Variants in FAM184A observed in about 807,000 individuals in gnomAD.
The protein encoded by FAM184A is family with sequence similarity 184 member A, also known as protein FAM184A.
Under a neutral mutation model 143.8 loss-of-function variants are expected in FAM184A, and 99 were observed. The observed-to-expected ratio is 0.69, with a 90% confidence interval of 0.58 to 0.81. FAM184A has a LOEUF of 0.81. Ranked by LOEUF, FAM184A falls within the 40% of genes least tolerant of loss-of-function variation. FAM184A has a pLI of 0.00. For synonymous variants in FAM184A, 427 were observed against 446.4 expected (o/e 0.96, Z 0.55); for missense variants, 1,217 against 1,310.5 (o/e 0.93, Z 1.10).
intron 1 of FAM184A, among the ~76,000 whole-genome samples, chr6:119,126,327 G>A (rs935049958): frequency 2.8e-4 from 43 of 152,194 alleles, no homozygotes; most frequent in Non-Finnish European, 5.9e-5. Flanking sequence ...TCACTTTAAG[G>A]ACTCATCTGA....
intron 1 of FAM184A, among the ~76,000 whole-genome samples, chr6:119,032,977 G>C (rs918070561): frequency 6.6e-6 from 1 of 151,922 alleles, no homozygotes; most frequent in Admixed American, 6.6e-5. Context: ...CTATTCTATC[G>C]GTTCCAGAGC....
chr6:119,080,684 T>C (rs1257054334), upstream of FAM184A, among the ~76,000 whole-genome samples: 1 of 152,182 alleles, frequency 6.6e-6, no homozygotes, highest in Non-Finnish European at 1.5e-5. Context: ...AATCCAAAAA[T>C]CTGAAATCCA....
At chr6:119,101,365 C>T (rs2114834701) in intron 1 of FAM184A, among the ~76,000 whole-genome samples, 1 of 151,896 alleles carries the variant, frequency 6.6e-6, no homozygotes, top group African/African-American at 2.4e-5. Flanking sequence ...AACCACTGCG[C>T]CCAGCCACAA....
chr6:119,065,903 A>T (rs1309524732), intron 1 of FAM184A, among the ~76,000 whole-genome samples: 1 of 152,232 alleles, frequency 6.6e-6, no homozygotes, highest in East Asian at 1.9e-4. Context: ...TTTAAGACAC[A>T]GAAAAGCAGT....
chr6:119,019,205 G>A (rs545719006), intron 4 of FAM184A, among the ~76,000 whole-genome samples: 3 of 152,198 alleles, frequency 2.0e-5, no homozygotes, highest in Non-Finnish European at 4.4e-5. Flanking sequence ...TAAGGCCAAG[G>A]AGGTACGAGA....
At chr6:119,044,861 T>C (rs904865313) in intron 1 of FAM184A, among the ~76,000 whole-genome samples, 4 of 152,244 alleles carry the variant, frequency 2.6e-5, no homozygotes, top group Non-Finnish European at 4.4e-5. Flanking sequence ...CAGCTACTGA[T>C]ATCATTAAGG....
chr6:119,104,106 G>A (rs1322570405), intron 1 of FAM184A, among the ~76,000 whole-genome samples: 1 of 151,734 alleles, frequency 6.6e-6, no homozygotes, highest in Admixed American at 6.6e-5. Flanking sequence ...GTGTGATCAG[G>A]GCTCACTGCA....
chr6:119,122,191 C>T (rs1409779773), intron 1 of FAM184A, among the ~76,000 whole-genome samples: 1 of 152,202 alleles, frequency 6.6e-6, no homozygotes, highest in Non-Finnish European at 1.5e-5. Context: ...AGACAGCCCT[C>T]TCCATTCTGG....
chr6:119,047,121 TA>T (rs59646441), intron 1 of FAM184A, among the ~76,000 whole-genome samples: 6,475 of 152,182 alleles, frequency 0.043, 240 homozygotes, highest in East Asian at 0.2. Context: ...AACAGGCATA[TA>T]AAAAAGTGCT....
Position 118,970,702 on chromosome 6 carries a change from T to C in FAM184A, c.2915+3726A>G, listed in dbSNP as rs529778278. On this transcript the variant is annotated intron_variant, in intron 14 of 17. Transcript: ENST00000338891. The stretch of plus-strand genomic sequence containing the variant: ...GCCTTTTACTCAAATTTTACAGATT[T>C]CCATTAAAAGTAATAGAAGAGAGAA... Among the ~76,000 whole-genome samples, 6 of 152,112 alleles carry C rather than the reference T, an allele frequency of 3.9e-5. No individual in the cohort carries two copies. The East Asian group carries it at 5.8e-4, about 15-fold the overall frequency.
intron 14 of FAM184A, among the ~76,000 whole-genome samples, chr6:118,970,008 A>ATATATATATATATATATTTTTTTTTTTT: frequency 1.6e-4 from 3 of 19,048 alleles, no homozygotes; most frequent in Non-Finnish European, 2.3e-4. Context: ...ATATATATAT[A>ATATATATATATATATATTTTTTTTTTTT]TTTTTTTTTT....
rs914446615 is a variant in FAM184A at position 118,965,377 on chromosome 6, C to T, written c.3034-606G>A. ...TATTCTTCAGTACTGTAAATAGATT[C>T]GATTGCATCTAATATGAGATATTAA... is the stretch of plus-strand genomic sequence containing the variant. On this transcript the variant is annotated intron_variant, in intron 15 of 17. Transcript: ENST00000338891. Among the ~76,000 whole-genome samples, 8 of 151,952 alleles carry T rather than the reference C, an allele frequency of 5.3e-5. No individual in the cohort carries two copies. In the South Asian group the frequency reaches 1.7e-3, roughly 32 times the overall value.
intron 1 of FAM184A, among the ~76,000 whole-genome samples, chr6:119,141,815 A>G (rs1772249306): frequency 1.3e-5 from 2 of 152,170 alleles, no homozygotes; most frequent in South Asian, 2.1e-4. Flanking sequence ...TTGGGGCCCC[A>G]GAGCTGCATG....
upstream of FAM184A, among the ~76,000 whole-genome samples, chr6:119,079,393 T>TAA (rs201090897): frequency 6.6e-6 from 1 of 151,928 alleles, no homozygotes; most frequent in African/African-American, 2.4e-5. Context: ...AAAGTAATGG[T>TAA]AAAAAAAACA....
At chr6:119,111,384 T>A (rs564714782) in intron 1 of FAM184A, among the ~76,000 whole-genome samples, 1 of 151,368 alleles carries the variant, frequency 6.6e-6, no homozygotes, top group Non-Finnish European at 1.5e-5. Context: ...AGAGTCAGAG[T>A]TTAATGGATA....
intron 14 of FAM184A, among the ~76,000 whole-genome samples, chr6:118,970,008 A>ATATATTTTTTT: frequency 5.2e-5 from 1 of 19,054 alleles, no homozygotes; most frequent in African/African-American, 1.5e-4. Flanking sequence ...ATATATATAT[A>ATATATTTTTTT]TTTTTTTTTT....
intron 17 of FAM184A, 146 bp downstream of exon 17, chr6:118,961,615 A>G: frequency 2.8e-6 from 2 of 723,516 alleles, no homozygotes; most frequent in Non-Finnish European, 4.6e-6. Flanking sequence ...GAAGTTCTCT[A>G]GAGAGGGGAT....
intron 1 of FAM184A, among the ~76,000 whole-genome samples, chr6:119,042,794 C>T (rs1786389101): frequency 6.6e-6 from 1 of 152,170 alleles, no homozygotes; most frequent in African/African-American, 2.4e-5. Context: ...ATGATTCTAA[C>T]ATATCACTCT....
chr6:119,122,647 C>T (rs1337882949), intron 1 of FAM184A, among the ~76,000 whole-genome samples: 3 of 152,030 alleles, frequency 2.0e-5, no homozygotes, highest in Non-Finnish European at 2.9e-5. Context: ...TTGGGAGGGG[C>T]GCGGTGGCTC....
Sources: allele counts gnomAD v4.1 joint callset (sites outside exome capture counted in the v4.1 genomes callset), GRCh38; gene constraint gnomAD v4.1.1; transcripts MANE v1.5; gene names NCBI Gene and HGNC (gene_info 2026-07-23, HGNC 2026-07-21).